Variants in ADCY7 observed in about 807,000 individuals in gnomAD.
ADCY7 encodes adenylate cyclase type 7.
A neutral mutation model predicts 120.6 loss-of-function variants in ADCY7; 72 were observed. The observed-to-expected ratio is 0.60, with a 90% CI of 0.49 to 0.73. ADCY7 has a LOEUF of 0.73. ADCY7 is among the 30% of genes least tolerant of loss of function. The probability of loss-of-function intolerance (pLI) is 0.00; values close to 1 mark genes in which losing one functional copy is unlikely to be tolerated. For missense variants in ADCY7, 1,227 were observed against 1,486.0 expected (o/e 0.83, Z 2.87); for synonymous variants, 661 against 628.0 (o/e 1.05, Z -0.78).
chr16:50,290,907 C>T (rs1312411854), intron 3 of ADCY7, among the ~76,000 whole-genome samples: 1 of 152,106 alleles, frequency 6.6e-6, no homozygotes, highest in Non-Finnish European at 1.5e-5. Flanking sequence ...AACTTCAGCT[C>T]AAAGAGGCAA....
intron 1 of ADCY7, among the ~76,000 whole-genome samples, chr16:50,247,295 G>T (rs1240555978): frequency 6.6e-6 from 1 of 152,212 alleles, no homozygotes; most frequent in Non-Finnish European, 1.5e-5. Context: ...CCCCACAGGA[G>T]TGGCTGACTG....
Position 50,308,387 on chromosome 16 carries a change from C to T in ADCY7, c.1911C>T (p.Gly637=). ...CCTGTGTACTGGGGCTGGTGCTGGG[C>T]CTGTGCTTTGCCACCAAGTTCTCGG... The part of the protein sequence containing the change: ...LVACVLGLVL[G]LCFATKFSRC... The change falls in exon 16 of 26, where the codon GGC becomes GGT. Residue 637 remains glycine, a synonymous_variant. Coordinates refer to ENST00000673801, the MANE Select transcript of ADCY7 (RefSeq NM_001114.5). 6.2e-7 allele frequency: 1 copy of T among 1,613,912 alleles called. No homozygotes were observed. The highest frequency in any genetic ancestry group is 8.5e-7 in the Non-Finnish European group (1 of 1,179,966).
Position 50,290,539 on chromosome 16 carries a change from T to G in ADCY7, c.254T>G (p.Val85Gly). The part of the protein sequence containing the change: ...VFAALSVLMY[V>G]ECLLRRWLRA... ...GCGGCCCTCTCTGTGCTGATGTACGTCGAGTGTCTCCTGCGGCGCTGGCTC... is the reference window on the plus strand; with the variant it reads ...GCGGCCCTCTCTGTGCTGATGTACGGCGAGTGTCTCCTGCGGCGCTGGCTC... The change falls in exon 3 of 26, where the codon GTC becomes GGC. Residue 85 changes from valine to glycine, a missense_variant. This residue lies in a region of ADCY7 where 382 missense variants were observed against 411.4 expected (regional missense o/e 0.93). Transcript: ENST00000673801. 1 of 1,614,216 alleles carries G rather than the reference T, an allele frequency of 6.2e-7. No homozygotes were observed. The highest frequency in any genetic ancestry group is 1.1e-5 in the South Asian group (1 of 91,082).
intron 2 of ADCY7, 71 bp from the exon 3 acceptor site, chr16:50,290,386 G>C: frequency 1.9e-6 from 3 of 1,564,692 alleles, no homozygotes; most frequent in South Asian, 2.3e-5. Context: ...AGCCGGCCCG[G>C]CAGGCTTTCT....
At chr16:50,296,990 AG>A (rs956915221) in intron 7 of ADCY7, among the ~76,000 whole-genome samples, 2 of 152,228 alleles carry the variant, frequency 1.3e-5, no homozygotes, top group Non-Finnish European at 2.9e-5. Context: ...CATGTGAGGC[AG>A]GGGCCCTGGG....
chr16:50,312,774 A>T, intron 21 of ADCY7, 116 bp from the exon 22 acceptor site: 40 of 581,876 alleles, frequency 6.9e-5, no homozygotes, highest in Non-Finnish European at 1.0e-4. Flanking sequence ...CCCCCTCCCC[A>T]CTCCCCGAAA....
At chr16:50,305,400 C>A in intron 12 of ADCY7, 103 bp from the exon 13 acceptor site, 1 of 1,004,208 alleles carries the variant, frequency 1.0e-6, no homozygotes, top group Non-Finnish European at 1.5e-6. Flanking sequence ...TTCACCATCC[C>A]ACCTGAGGTT....
chr16:50,291,948 G>C (rs759070587), intron 4 of ADCY7, 51 bp downstream of exon 4: 2 of 1,538,970 alleles, frequency 1.3e-6, no homozygotes, highest in Admixed American at 2.0e-5. Flanking sequence ...CTGGGTCTAA[G>C]GGCAGATGGG....
rs943150501 is a variant in ADCY7, at chr16:50,305,419, C to A, written c.1596-84C>A. ...CCATCCCACCTGAGGTTCTGGGACC[C>A]CACTGGTGTCTACGTCCACACCCTC... On this transcript the variant is annotated intron_variant, in intron 12 of 25. Coordinates refer to ENST00000673801, the MANE Select transcript of ADCY7 (RefSeq NM_001114.5). 9.8e-6 allele frequency: 12 copies of A among 1,223,288 alleles called. No individual in the cohort carries two copies. The African/African-American group carries it at 1.0e-4, about 11-fold the overall frequency. 75.8% of individuals were successfully genotyped at this position (1,223,288 alleles called of 1,614,324 possible).
At chr16:50,259,685 G>A (rs1449739241) in intron 1 of ADCY7, among the ~76,000 whole-genome samples, 7 of 152,290 alleles carry the variant, frequency 4.6e-5, no homozygotes, top group Non-Finnish European at 7.3e-5. Context: ...AAGCAGCAGC[G>A]ATTTAGGAGG....
At chr16:50,245,870 G>A (rs2032564274), upstream of ADCY7, among the ~76,000 whole-genome samples, 1 of 151,828 alleles carries the variant, frequency 6.6e-6, no homozygotes, top group Non-Finnish European at 1.5e-5. Flanking sequence ...GGTCCTGCTG[G>A]GACGCCTTTC....
chr16:50,294,875 C>A, intron 7 of ADCY7, 124 bp downstream of exon 7: 1 of 664,866 alleles, frequency 1.5e-6, no homozygotes, highest in South Asian at 1.9e-5. Flanking sequence ...ATTTTAGCAT[C>A]CAGCCAGCAA....
chr16:50,297,344 G>A lies in ADCY7; in HGVS notation c.949-1560G>A, dbSNP rs956756722. 3.9e-5 allele frequency among the ~76,000 whole-genome samples: 6 copies of A among 152,232 alleles called. No individual in the cohort carries two copies. Among genetic ancestry groups the A allele is most frequent in the African/African-American group, 1.4e-4 (6 of 41,462 alleles). The stretch of plus-strand genomic sequence containing the variant: ...GTGTCAGAGACACAGGGGACTGTCA[G>A]CCGGTGGAGCAGCCGGGGGAATGTG... On this transcript the variant is annotated intron_variant, in intron 7 of 25. Transcript: ENST00000673801. This position sits in a 1 kb window ranked among gnomAD's most constrained non-coding sequence, Gnocchi z 4.4.
Position 50,309,478 on chromosome 16 carries a change from C to T in ADCY7, c.2062-70C>T, listed in dbSNP as rs2036302453. ...GTGATACTCATGGTTGCCTGGGGCC[C>T]ACCTTGCATGGCTTGGGCAGGTTCC... is the stretch of plus-strand genomic sequence containing the variant. On this transcript the variant is annotated intron_variant, in intron 17 of 25. Transcript: ENST00000673801. 4.5e-6 allele frequency: 6 copies of T among 1,326,734 alleles called. No individual in the cohort carries two copies. The African/African-American group carries it at 7.2e-5, about 16-fold the overall frequency. The allele number at this position is 1,326,734 out of a possible 1,614,324, so 82.2% of individuals were successfully genotyped here. A position where few individuals can be genotyped will look rare whatever the true frequency, so the allele number is the denominator to read the frequency against.
rs752079088 is a variant in ADCY7 at position 50,310,737 on chromosome 16, G to A, written c.2211G>A (p.Leu737=). 117 of 1,614,014 alleles carry A rather than the reference G, an allele frequency of 7.2e-5. No individual in the cohort carries two copies. Among genetic ancestry groups the A allele is most frequent in the Non-Finnish European group, 9.2e-5 (109 of 1,180,012 alleles). Residue 737 remains leucine (L), a synonymous_variant, in exon 19 of 26, where the codon CTG becomes CTA. Transcript: ENST00000673801. ...GCTTCATCGCCTGCTCGGTCTTCCTGAGGATGAGCCTGGAGCCAAAGGTTG... is the reference window on the plus strand; with the variant it reads ...GCTTCATCGCCTGCTCGGTCTTCCTAAGGATGAGCCTGGAGCCAAAGGTTG... ...VLGFIACSVF[L]RMSLEPKVVL... is the part of the protein sequence containing the mutation.
At chr16:50,244,756 C>T (rs371421394), upstream of ADCY7, among the ~76,000 whole-genome samples, 2 of 152,346 alleles carry the variant, frequency 1.3e-5, no homozygotes, top group East Asian at 1.9e-4. Context: ...CAGATCTTCC[C>T]GGGTGAGCCC....
At chr16:50,290,805 T>A in intron 3 of ADCY7, 145 bp downstream of exon 3, 1 of 865,150 alleles carries the variant, frequency 1.2e-6, no homozygotes, top group Non-Finnish European at 1.7e-6. Context: ...CTGTGAGTTC[T>A]CTGCATTGAC....
chr16:50,308,607 C>A, intron 16 of ADCY7, 60 bp from the exon 17 acceptor site: 2 of 1,568,840 alleles, frequency 1.3e-6, no homozygotes, highest in South Asian at 1.2e-5. Flanking sequence ...AGGCTGCCAG[C>A]GACCAGCCCT....
In ADCY7 at chr16:50,290,534, G is replaced by A. The variant is rs2034879957; in HGVS notation, c.249G>A (p.Met83Ile). ...TGTTTGCGGCCCTCTCTGTGCTGATGTACGTCGAGTGTCTCCTGCGGCGCT... is the reference window on the plus strand; with the variant it reads ...TGTTTGCGGCCCTCTCTGTGCTGATATACGTCGAGTGTCTCCTGCGGCGCT... ...LAVFAALSVL[M>I]YVECLLRRWL... The change falls in exon 3 of 26, where the codon ATG (methionine) becomes ATA (isoleucine). Residue 83 changes from methionine (M) to isoleucine (I), a missense_variant. By Grantham distance (10) the Met-to-Ile change is conservative (BLOSUM62 1). Transcript: ENST00000673801. The A allele has an allele frequency of 6.2e-7, 1 of 1,614,126 alleles. No homozygotes were observed.
Sources: allele counts gnomAD v4.1 joint callset (sites outside exome capture counted in the v4.1 genomes callset), GRCh38; gene constraint gnomAD v4.1.1; regional missense constraint gnomAD v4.1.1; non-coding constraint Gnocchi (gnomAD v3.1); transcripts MANE v1.5; gene names NCBI Gene and HGNC (gene_info 2026-07-23, HGNC 2026-07-21).